Variants in HECTD4 observed in about 807,000 individuals in gnomAD.
HECTD4 encodes HECT domain E3 ubiquitin protein ligase 4.
In HECTD4, 114 loss-of-function variants were observed where a neutral mutation model predicts 471.5. The ratio of observed to expected loss-of-function variants is 0.24; its 90% CI spans 0.21 to 0.28. The LOEUF (loss-of-function observed/expected upper bound fraction) is 0.28. Ranked by LOEUF, HECTD4 falls within the 10% of genes least tolerant of loss-of-function variation. HECTD4 has a pLI of 1.00. For synonymous variants in HECTD4, 2,012 were observed against 2,256.0 expected (o/e 0.89, Z 3.07); for missense variants, 3,866 against 5,651.5 (o/e 0.68, Z 10.13).
intron 1 of HECTD4, among the ~76,000 whole-genome samples, chr12:112,335,603 G>A (rs1333360347): frequency 2.0e-5 from 3 of 152,024 alleles, no homozygotes; most frequent in Non-Finnish European, 4.4e-5. Context: ...CAGGAGAATC[G>A]CTTGAACCCA....
intron 72 of HECTD4, among the ~76,000 whole-genome samples, 190 bp from the exon 73 acceptor site, chr12:112,164,465 G>A (rs2030843456): frequency 2.0e-5 from 3 of 152,164 alleles, no homozygotes; most frequent in Admixed American, 2.0e-4. Context: ...ACCCAGGCCA[G>A]GCTAAAGAGA....
chr12:112,345,569 AT>A (rs1190098584), intron 1 of HECTD4, among the ~76,000 whole-genome samples: 1 of 152,208 alleles, frequency 6.6e-6, no homozygotes, highest in Non-Finnish European at 1.5e-5. Flanking sequence ...CGAGTAATTT[AT>A]CTTTTCTTCC....
chr12:112,181,199 C>T (rs556860616), intron 62 of HECTD4, among the ~76,000 whole-genome samples: 5 of 152,020 alleles, frequency 3.3e-5, no homozygotes, highest in South Asian at 4.2e-4. Context: ...AAAAAACCTC[C>T]ATGATGAACA....
chr12:112,179,432 G>GTGAACA lies in HECTD4; in HGVS notation c.10988-41_10988-36dup. 1 of 1,545,208 alleles carries GTGAACA rather than the reference G, an allele frequency of 6.5e-7. No individual in the cohort carries two copies. Among genetic ancestry groups the GTGAACA allele is most frequent in the Non-Finnish European group, 8.9e-7 (1 of 1,128,328 alleles). On this transcript the variant is annotated intron_variant, in intron 62 of 75. Transcript: ENST00000682272. The surrounding 1 kb of genome is among the most constrained non-coding windows in gnomAD (Gnocchi z 4.3). ...GGAGAGGGGGCAAAACAATTCTGCC[G>GTGAACA]TGAACATGCATCGGGACAAGCCCTG...
Position 112,236,988 on chromosome 12 carries a change from C to A in HECTD4, c.5401G>T (p.Asp1801Tyr), listed in dbSNP as rs1292177834. The change falls in exon 35 of 76, where the codon GAC becomes TAC. Residue 1801 changes from aspartate to tyrosine, a missense_variant. Physicochemically the swap from Asp to Tyr is radical, Grantham distance 160. Around this residue, in one of 16 missense-constraint regions of HECTD4, gnomAD observed 229 missense variants for 386.4 expected, o/e 0.59. Transcript: ENST00000682272. ...AGACTAAGGACATCCTGGAGCGCGT[C>A]ATTCCCAGCAGCCTGGTTGCCACAG... The part of the protein sequence containing the change: ...ECCGNQAAGN[D>Y]ALQDVLSLLN... 6.2e-7 allele frequency: 1 copy of A among 1,612,788 alleles called. No homozygotes were observed. The highest frequency in any genetic ancestry group is 1.1e-5 in the South Asian group (1 of 90,730).
intron 7 of HECTD4, among the ~76,000 whole-genome samples, chr12:112,287,701 G>A (rs2135649580): frequency 6.6e-6 from 1 of 152,028 alleles, no homozygotes; most frequent in African/African-American, 2.4e-5. Context: ...AGAGGCAGAG[G>A]CAGGAGAACA....
At position 112,370,238 on chromosome 12, in the gene HECTD4, C is replaced by G. The variant is rs576629171; in HGVS notation, c.177+11714G>C. Among the ~76,000 whole-genome samples the G allele has an allele frequency of 3.3e-5, 5 of 152,316 alleles. No homozygotes were observed. The East Asian group carries it at 9.6e-4, about 29-fold the overall frequency. On this transcript the variant is annotated intron_variant, in intron 1 of 75. Coordinates refer to ENST00000682272, the MANE Select transcript of HECTD4 (RefSeq NM_001388303.1). Reference sequence around the variant, plus strand: ...AGAAGCTGTGGAAAAGGCATGGGAACAGATTCTCCCCTAGAGCCTGCAGAA... The same window carrying G: ...AGAAGCTGTGGAAAAGGCATGGGAAGAGATTCTCCCCTAGAGCCTGCAGAA...
intron 48 of HECTD4, among the ~76,000 whole-genome samples, chr12:112,212,903 T>C (rs10850015): frequency 0.21 from 32,234 of 152,088 alleles, 5,518 homozygotes; most frequent in East Asian, 0.85. Flanking sequence ...TCAAGCAATT[T>C]TCCTGCCTCA....
chr12:112,266,651 G>T (rs1371830310), intron 14 of HECTD4, among the ~76,000 whole-genome samples: 3 of 152,066 alleles, frequency 2.0e-5, no homozygotes, highest in Non-Finnish European at 4.4e-5. Flanking sequence ...CCAGCTAATT[G>T]TTTTTATTTT....
intron 43 of HECTD4, 111 bp from the exon 44 acceptor site, chr12:112,226,869 TCAAACACCC>T: frequency 3.0e-6 from 2 of 661,230 alleles, no homozygotes; most frequent in Non-Finnish European, 5.1e-6. Context: ...ACAACAAGGT[TCAAACACCC>T]CACTCATCTT....
chr12:112,185,718 C>T (rs1448493372), intron 60 of HECTD4, among the ~76,000 whole-genome samples: 4 of 152,250 alleles, frequency 2.6e-5, no homozygotes, highest in African/African-American at 9.6e-5. Context: ...GACAGGTCAG[C>T]TCCAGAGGTG....
chr12:112,163,035 G>A lies in HECTD4; in HGVS notation c.13120+7C>T. 6.3e-7 allele frequency: 1 copy of A among 1,594,664 alleles called. No individual in the cohort carries two copies. The highest frequency in any genetic ancestry group is 8.6e-7 in the Non-Finnish European group (1 of 1,165,472). On this transcript the variant is annotated splice_region_variant and intron_variant, in intron 75 of 75. Coordinates refer to ENST00000682272, the MANE Select transcript of HECTD4 (RefSeq NM_001388303.1). The surrounding 1 kb of genome is among the most constrained non-coding windows in gnomAD (Gnocchi z 8.2). ...CTACTTGGGACATGGCCAGGGGAGG[G>A]CGGTACCTGCTGTGCCATCTGGGGG...
chr12:112,163,987 G>T lies in HECTD4; in HGVS notation c.12701+122C>A. On this transcript the variant is annotated intron_variant, in intron 73 of 75. Transcript: ENST00000682272. The surrounding 1 kb of genome is among the most constrained non-coding windows in gnomAD (Gnocchi z 8.2). ...TCCTGCCTCATCTCCCTCTCCTGGT[G>T]AAATCCACCTGTCACCTGACCTAGG... 9.1e-7 allele frequency: 1 copy of T among 1,104,668 alleles called. No individual in the cohort carries two copies. Among genetic ancestry groups the T allele is most frequent in the Non-Finnish European group, 1.2e-6 (1 of 826,412 alleles). The allele number at this position is 1,104,668 out of a possible 1,614,324, so 68.4% of individuals were successfully genotyped here.
chr12:112,175,932 C>G, intron 65 of HECTD4, 73 bp from the exon 66 acceptor site: 3 of 1,564,822 alleles, frequency 1.9e-6, no homozygotes, highest in South Asian at 1.2e-5. Context: ...GTGCTCTGCT[C>G]TCACCACAGC....
chr12:112,376,982 C>T (rs1348976321), intron 1 of HECTD4, among the ~76,000 whole-genome samples: 1 of 152,048 alleles, frequency 6.6e-6, no homozygotes, highest in African/African-American at 2.4e-5. Flanking sequence ...CGTGGTGGTG[C>T]GTGCCTGTAA....
chr12:112,336,785 C>G (rs1356353140), intron 1 of HECTD4, among the ~76,000 whole-genome samples: 1 of 152,040 alleles, frequency 6.6e-6, no homozygotes, highest in Non-Finnish European at 1.5e-5. Flanking sequence ...TAGCCACGAG[C>G]TGATAATTGT....
chr12:112,254,010 T>C (rs2033953419), intron 22 of HECTD4, 33 bp downstream of exon 22: 2 of 1,611,250 alleles, frequency 1.2e-6, no homozygotes, highest in African/African-American at 2.7e-5. Context: ...TTCATTTTCT[T>C]TTCTAGGAAG....
chr12:112,309,626 C>T lies in HECTD4; in HGVS notation c.960G>A (p.Leu320=), dbSNP rs1275856611. The T allele has an allele frequency of 2.0e-6, 3 of 1,535,170 alleles. No homozygotes were observed. The South Asian group carries it at 3.6e-5, about 18-fold the overall frequency. Residue 320 remains leucine (L), a synonymous_variant, in exon 5 of 76, where the codon CTG becomes CTA. Transcript: ENST00000682272. ...CTCTTCCAACTGAGTTAGTAGTATACAGGTAAAGACCATCTGCCGTGAGAC... is the reference window on the plus strand; with the variant it reads ...CTCTTCCAACTGAGTTAGTAGTATATAGGTAAAGACCATCTGCCGTGAGAC... ...GRCLTADGLY[L]YTTNSVGRGV... is the part of the protein sequence containing the mutation.
intron 69 of HECTD4, 81 bp from the exon 70 acceptor site, chr12:112,169,739 G>T: frequency 6.5e-7 from 1 of 1,528,806 alleles, no homozygotes; most frequent in Non-Finnish European, 9.0e-7. Context: ...CCTGGGCCTA[G>T]CAGGCCTGTG....
Sources: gnomAD v4.1 joint callset for allele counts (sites outside exome capture counted in the v4.1 genomes callset) on GRCh38, gnomAD v4.1.1 for gene constraint, gnomAD v4.1.1 regional missense constraint, Gnocchi (gnomAD v3.1) non-coding constraint, MANE v1.5 for transcripts, NCBI Gene and HGNC (gene_info 2026-07-23, HGNC 2026-07-21) for gene names.